The following AGAP6 variants were observed in gnomAD, a reference collection of about 807,000 sequenced individuals.
AGAP6 encodes the protein ArfGAP with GTPase domain, ankyrin repeat and PH domain 6, also known as arf-GAP with GTPase, ANK repeat and PH domain-containing protein 6.
A neutral mutation model predicts 63.9 loss-of-function variants in AGAP6; 29 were observed. That is an observed-to-expected ratio of 0.45 (90% CI 0.34 to 0.62). AGAP6 has a LOEUF of 0.62. Among genes scored for constraint, AGAP6 ranks in the 20% least tolerant of loss-of-function variants. AGAP6 has a pLI of 0.01. For missense variants in AGAP6, 493 were observed against 884.9 expected (o/e 0.56, Z 5.62); for synonymous variants, 199 against 332.9 (o/e 0.60, Z 4.38).
At chr10:49,999,450 G>C (rs1372156513) in intron 4 of AGAP6, among the ~76,000 whole-genome samples, 5 of 140,240 alleles carry the variant, frequency 3.6e-5, no homozygotes, top group East Asian at 2.3e-4. Context: ...AATCAGCATA[G>C]AAGGGTCACA....
In AGAP6 at chr10:49,991,645, C is replaced by A. The variant is rs782241685; in HGVS notation, c.293-31C>A. On this transcript the variant is annotated intron_variant, in intron 2 of 7. Transcript: ENST00000412531. ...GATAAATTTTTATCAATGATTACAT[C>A]TTTTTTTCTTTTCTTCCTCTGTGCA... 5.6e-6 allele frequency: 9 copies of A among 1,595,770 alleles called. No homozygotes were observed. In the South Asian group the frequency reaches 7.8e-5, roughly 14 times the overall value.
Position 50,001,247 on chromosome 10 carries a change from G to A in AGAP6, c.397-749G>A, listed in dbSNP as rs1321193767. Among the ~76,000 whole-genome samples the A allele has an allele frequency of 2.0e-3, 295 of 150,042 alleles. 3 individuals carry two copies. The highest frequency in any genetic ancestry group is 7.1e-3 in the African/African-American group (288 of 40,386). ...CAGGAGGCTGAGTCAGGAGAATGGCGTGAACCCGGGAGGCGGAGCTTGCAG... is the reference window on the plus strand; with the variant it reads ...CAGGAGGCTGAGTCAGGAGAATGGCATGAACCCGGGAGGCGGAGCTTGCAG... On this transcript the variant is annotated intron_variant, in intron 4 of 7. Transcript: ENST00000412531.
At chr10:49,990,476 T>A (rs1366974273) in intron 2 of AGAP6, among the ~76,000 whole-genome samples, 1 of 152,152 alleles carries the variant, frequency 6.6e-6, no homozygotes, top group Admixed American at 6.5e-5. Flanking sequence ...AGTTGGAGTT[T>A]TTTAGTCTCT....
rs549319508 is a variant in AGAP6, at chr10:49,991,746, T to G, written c.361+2T>G. On this transcript the variant is annotated splice_donor_variant, in intron 3 of 7. Transcript: ENST00000412531. LOFTEE classifies it high-confidence loss of function. ...TCCAGAGGAACTCTCAAACAGATGGTGAGACGACATTGTCTTTTCCACCAA... is the reference window on the plus strand; with the variant it reads ...TCCAGAGGAACTCTCAAACAGATGGGGAGACGACATTGTCTTTTCCACCAA... The G allele has an allele frequency of 3.4e-5, 54 of 1,598,574 alleles. No homozygotes were observed. The highest frequency in any genetic ancestry group is 4.4e-5 in the Non-Finnish European group (52 of 1,179,754).
chr10:49,993,616 G>C (rs1370516434), intron 3 of AGAP6, among the ~76,000 whole-genome samples: 6 of 152,068 alleles, frequency 3.9e-5, no homozygotes, highest in African/African-American at 9.7e-5. Flanking sequence ...AGGAGATCAA[G>C]ACCATCCTGG....
Position 50,008,052 on chromosome 10 carries a change from T to C in AGAP6, c.561T>C (p.Pro187=), listed in dbSNP as rs1841975778. 1 of 1,611,956 alleles carries C rather than the reference T, an allele frequency of 6.2e-7. No homozygotes were observed. The highest frequency in any genetic ancestry group is 1.3e-5 in the African/African-American group (1 of 74,988). Residue 187 remains proline (P), a synonymous_variant, in exon 7 of 8, where the codon CCT becomes CCC. Coordinates refer to ENST00000412531, the MANE Select transcript of AGAP6 (RefSeq NM_001077665.3). ...QRDADRTLSI[P]DEQLHSFAVS... ...ATGCAGATAGAACTTTGAGCATACC[T>C]GATGAACAGTTACACTCATTTGCGG...
At chr10:49,993,811 C>T (rs2132124762) in intron 3 of AGAP6, among the ~76,000 whole-genome samples, 1 of 109,546 alleles carries the variant, frequency 9.1e-6, no homozygotes, top group African/African-American at 3.0e-5. Context: ...CAGAGTGAGA[C>T]TCCATCTCAA....
chr10:50,001,927 C>G, intron 4 of AGAP6, 69 bp from the exon 5 acceptor site: 2 of 1,571,666 alleles, frequency 1.3e-6, no homozygotes, highest in Non-Finnish European at 1.7e-6. Context: ...AGTGCTTTGT[C>G]ATTTGACATT....
rs1554860319 is a variant in AGAP6, at chr10:49,989,297, T to C, written c.224-11T>C. ...TTACATCCTTTTTCTTTTCTCCCTC[T>C]ATACATATAGCTTTGGAGTTTAACC... On this transcript the variant is annotated splice_polypyrimidine_tract_variant and intron_variant, in intron 1 of 7. Coordinates refer to ENST00000412531, the MANE Select transcript of AGAP6 (RefSeq NM_001077665.3). 6.3e-7 allele frequency: 1 copy of C among 1,597,450 alleles called. No homozygotes were observed. Among genetic ancestry groups the C allele is most frequent in the South Asian group, 1.1e-5 (1 of 90,974 alleles).
intron 5 of AGAP6, among the ~76,000 whole-genome samples, chr10:50,003,783 G>A (rs1412039196): frequency 6.6e-6 from 1 of 152,136 alleles, no homozygotes; most frequent in Non-Finnish European, 1.5e-5. Flanking sequence ...CAGTTTTAAG[G>A]TCTGTTTCCC....
intron 4 of AGAP6, among the ~76,000 whole-genome samples, chr10:50,001,069 G>A (rs1231498685): frequency 2.6e-5 from 4 of 152,266 alleles, no homozygotes; most frequent in East Asian, 1.9e-4. Context: ...CGTGGCTTAC[G>A]CCTGTAATCC....
At chr10:50,001,510 CCTGG>C (rs1392409063) in intron 4 of AGAP6, among the ~76,000 whole-genome samples, 1 of 101,258 alleles carries the variant, frequency 9.9e-6, no homozygotes, top group Non-Finnish European at 2.1e-5. Context: ...AGCTCCGCCT[CCTGG>C]GTTCACCCCA....
chr10:50,006,724 G>C (rs1307843129), intron 6 of AGAP6, among the ~76,000 whole-genome samples: 1 of 150,580 alleles, frequency 6.6e-6, no homozygotes, highest in Non-Finnish European at 1.5e-5. Flanking sequence ...TGAAAAAAGT[G>C]ATTTTTCAGT....
chr10:50,006,164 A>G (rs1394564322), intron 6 of AGAP6, among the ~76,000 whole-genome samples: 1 of 152,126 alleles, frequency 6.6e-6, no homozygotes, highest in Non-Finnish European at 1.5e-5. Flanking sequence ...TGTATTTATA[A>G]TATCATGCAT....
rs371084908 is a variant in AGAP6 at position 49,992,892 on chromosome 10, G to C, written c.361+1148G>C. Among the ~76,000 whole-genome samples the C allele has an allele frequency of 7.2e-5, 11 of 152,280 alleles. No individual in the cohort carries two copies. In the East Asian group the frequency reaches 1.3e-3, roughly 19 times the overall value. On this transcript the variant is annotated intron_variant, in intron 3 of 7. Transcript: ENST00000412531. ...TTCTCCTGCCTCAGCCTCCCGAGTAGTTGGGACTATAGGTGGGCACCATAA... is the reference window on the plus strand; with the variant it reads ...TTCTCCTGCCTCAGCCTCCCGAGTACTTGGGACTATAGGTGGGCACCATAA...
chr10:49,996,829 A>G (rs1215679192), intron 4 of AGAP6, among the ~76,000 whole-genome samples: 1 of 151,836 alleles, frequency 6.6e-6, no homozygotes, highest in Admixed American at 6.6e-5. Context: ...TGCAAGACAA[A>G]CTGGCTCACT....
At chr10:50,003,581 G>A (rs1242946858) in intron 5 of AGAP6, among the ~76,000 whole-genome samples, 1 of 152,106 alleles carries the variant, frequency 6.6e-6, no homozygotes, top group Non-Finnish European at 1.5e-5. Context: ...AATCACCTGG[G>A]AAACGTTTAC....
At position 49,988,491 on chromosome 10, in the gene AGAP6, C is replaced by G. The variant is rs566833195; in HGVS notation, c.-225C>G. On this transcript the variant is annotated 5_prime_UTR_variant, in exon 1 of 8. Transcript: ENST00000412531. Reference sequence around the variant, plus strand: ...ATAAGCCGGCTGGTCTTCACCCTCCCAGACAAGTCAACTCAGGGGAGGCAG... The same window carrying G: ...ATAAGCCGGCTGGTCTTCACCCTCCGAGACAAGTCAACTCAGGGGAGGCAG... The G allele has an allele frequency of 7.0e-7, 1 of 1,434,720 alleles. No individual in the cohort carries two copies. Among genetic ancestry groups the G allele is most frequent in the South Asian group, 1.5e-5 (1 of 67,352 alleles). 88.9% of individuals were successfully genotyped at this position (1,434,720 alleles called of 1,614,324 possible).
At chr10:49,989,821 G>A (rs2132114144) in intron 2 of AGAP6, among the ~76,000 whole-genome samples, 1 of 152,224 alleles carries the variant, frequency 6.6e-6, no homozygotes, top group East Asian at 1.9e-4. Context: ...AAAAATGGTT[G>A]TGTGTGTGTG....
Sources: gnomAD v4.1 joint callset for allele counts (sites outside exome capture counted in the v4.1 genomes callset) on GRCh38, gnomAD v4.1.1 for gene constraint, MANE v1.5 for transcripts, NCBI Gene and HGNC (gene_info 2026-07-23, HGNC 2026-07-21) for gene names.